The following USP35 variants were observed in gnomAD, a reference collection of about 807,000 sequenced individuals.
USP35 encodes the protein ubiquitin specific peptidase 35.
USP35 carries 69 observed loss-of-function variants against 83.8 expected under a neutral mutation model. The observed-to-expected ratio is 0.82, with a 90% CI of 0.68 to 1.01. The LOEUF is 1.01. Ranked by LOEUF, USP35 falls within the 50% of genes least tolerant of loss-of-function variation. The probability of loss-of-function intolerance (pLI) is 0.00; values close to 1 mark genes in which losing one functional copy is unlikely to be tolerated. For synonymous variants in USP35, 714 were observed against 589.5 expected, an observed-to-expected ratio of 1.21 and a Z score of -3.06; for missense variants, 1,503 against 1,362.5, an observed-to-expected ratio of 1.10 and a Z score of -1.62.
chr11:78,190,889 A>G (rs564944725), intron 1 of USP35, among the ~76,000 whole-genome samples: 5 of 152,296 alleles, frequency 3.3e-5, no homozygotes, highest in Non-Finnish European at 7.4e-5. Flanking sequence ...CCACTGAACA[A>G]TGTTGCTTGA....
rs1332268024 is a variant in USP35 at position 78,213,859 on chromosome 11, A to G, written c.*46A>G. The G allele has an allele frequency of 2.6e-6, 4 of 1,524,912 alleles. No homozygotes were observed. 94.5% of individuals were successfully genotyped at this position (1,524,912 alleles called of 1,614,324 possible). A position where few individuals can be genotyped will look rare whatever the true frequency, so the allele number is the denominator to read the frequency against. On this transcript the variant is annotated 3_prime_UTR_variant, in exon 11 of 11. Transcript: ENST00000529308. ...GACCCCTTCCCTCCAGGAGCCAGGT[A>G]GGGCCTGAGGGAAGCTGTGGAGGCA... is the stretch of plus-strand genomic sequence containing the variant.
intron 10 of USP35, among the ~76,000 whole-genome samples, chr11:78,213,379 C>G (rs75571061): frequency 2.0e-5 from 3 of 152,286 alleles, no homozygotes; most frequent in Non-Finnish European, 4.4e-5. Flanking sequence ...TCAGACCTCT[C>G]GGTACCACAT....
intron 10 of USP35, among the ~76,000 whole-genome samples, chr11:78,211,952 C>G (rs1863796911): frequency 6.6e-6 from 1 of 152,092 alleles, no homozygotes; most frequent in Non-Finnish European, 1.5e-5. Flanking sequence ...TAAGTGGATC[C>G]CATTTGTCAT....
chr11:78,189,426 T>C (rs1175669899), intron 1 of USP35, among the ~76,000 whole-genome samples: 1 of 152,202 alleles, frequency 6.6e-6, no homozygotes, highest in Non-Finnish European at 1.5e-5. Flanking sequence ...GTACATTCGC[T>C]TGCTGGCTTT....
At chr11:78,205,134 T>A (rs1403697149) in intron 6 of USP35, among the ~76,000 whole-genome samples, 1 of 152,236 alleles carries the variant, frequency 6.6e-6, no homozygotes, top group South Asian at 2.1e-4. Flanking sequence ...TAGGTGCTGC[T>A]GTTTGATGTG....
In USP35 at chr11:78,196,870, G is replaced by A. The variant is rs755923450; in HGVS notation, c.625G>A (p.Ala209Thr). 2.0e-6 allele frequency: 3 copies of A among 1,484,070 alleles called. No individual in the cohort carries two copies. Among genetic ancestry groups the A allele is most frequent in the African/African-American group, 2.9e-5 (2 of 69,844 alleles). 91.9% of individuals were successfully genotyped at this position (1,484,070 alleles called of 1,614,324 possible). Residue 209 changes from alanine to threonine, a missense_variant, in exon 2 of 11, where the codon GCC (alanine) becomes ACC (threonine). By Grantham distance (58) the Ala-to-Thr change is moderately conservative. Coordinates refer to ENST00000529308, the MANE Select transcript of USP35 (RefSeq NM_020798.4). This position sits in a 1 kb window ranked among gnomAD's most constrained non-coding sequence, Gnocchi z 4.8. ...LAQLWRAQPA[A>T]ILPCLKELFA... Reference sequence around the variant, plus strand: ...GCAGCTGTGGCGCGCACAGCCCGCCGCCATCCTGCCCTGCCTCAAAGAGCT... The same window carrying A: ...GCAGCTGTGGCGCGCACAGCCCGCCACCATCCTGCCCTGCCTCAAAGAGCT...
Position 78,197,201 on chromosome 11 carries a change from G to A in USP35, c.673+283G>A, listed in dbSNP as rs953923100. ...TCAGCCTGGCCGGAGGGAGGAACGG[G>A]AAGTTGAGCAAGCCACAGGATTTGG... On this transcript the variant is annotated intron_variant, in intron 2 of 10. Coordinates refer to ENST00000529308, the MANE Select transcript of USP35 (RefSeq NM_020798.4). 1.6e-4 allele frequency among the ~76,000 whole-genome samples: 21 copies of A among 134,912 alleles called. No individual in the cohort carries two copies. In the East Asian group the frequency reaches 5.6e-3, roughly 36 times the overall value. 88.5% of individuals were successfully genotyped at this position (134,912 alleles called of 152,430 possible).
downstream of USP35, chr11:78,215,893 A>T (rs1006004022): frequency 6.5e-6 from 1 of 152,710 alleles, no homozygotes; most frequent in African/African-American, 2.4e-5. Flanking sequence ...AGATGTCCCC[A>T]TGGGAGAAGG....
the USP35 span, among the ~76,000 whole-genome samples, chr11:78,233,871 A>G: frequency 6.6e-6 from 1 of 152,210 alleles, no homozygotes; most frequent in Non-Finnish European, 1.5e-5. Context: ...GCTGCCTCCC[A>G]AAGTGCTGAG....
chr11:78,227,009 C>A, the USP35 span: 5 of 1,613,390 alleles, frequency 3.1e-6, no homozygotes, highest in Admixed American at 1.7e-5. Context: ...TGTCACTCCT[C>A]ATGAGAAAAG....
intron 1 of USP35, among the ~76,000 whole-genome samples, chr11:78,195,156 G>C (rs989926556): frequency 2.0e-5 from 3 of 152,246 alleles, no homozygotes; most frequent in Non-Finnish European, 4.4e-5. Flanking sequence ...AGGGGACTGG[G>C]ACCCATACCC....
intron 6 of USP35, among the ~76,000 whole-genome samples, chr11:78,202,174 G>C (rs1302555627): frequency 2.0e-5 from 3 of 152,228 alleles, no homozygotes; most frequent in Non-Finnish European, 4.4e-5. Context: ...CAGTCACAAA[G>C]GGACTTGAGT....
At chr11:78,211,315 G>A (rs149445651) in intron 10 of USP35, among the ~76,000 whole-genome samples, 145 of 152,224 alleles carry the variant, frequency 9.5e-4, no homozygotes, top group Non-Finnish European at 1.5e-3. Flanking sequence ...AGTATTCTGT[G>A]GTGTATATGT....
the USP35 span, among the ~76,000 whole-genome samples, chr11:78,236,433 G>C: frequency 2.6e-5 from 4 of 152,098 alleles, no homozygotes; most frequent in South Asian, 6.2e-4. Flanking sequence ...TTACAGGCAT[G>C]AACCACCACA....
Position 78,209,716 on chromosome 11 carries a change from A to T in USP35, c.1861A>T (p.Ile621Phe), listed in dbSNP as rs1404025569. ...CTCTGTGATGCGCCCCACAGAAGAC[A>T]TCACAGCCCGGGAGTTGCCCCCACC... is the stretch of plus-strand genomic sequence containing the variant. Reference protein sequence around the residue: ...LGSVMRPTEDITARELPPPTS... With the variant: ...LGSVMRPTEDFTARELPPPTS... The change falls in exon 10 of 11, where the codon ATC becomes TTC. Residue 621 changes from isoleucine to phenylalanine, a missense_variant. Ile to Phe is a conservative substitution (Grantham distance 21, BLOSUM62 0). Coordinates refer to ENST00000529308, the MANE Select transcript of USP35 (RefSeq NM_020798.4). The T allele has an allele frequency of 6.2e-7, 1 of 1,613,940 alleles. No homozygotes were observed. The highest frequency in any genetic ancestry group is 1.3e-5 in the African/African-American group (1 of 74,908).
Position 78,209,682 on chromosome 11 carries a change from C to T in USP35, c.1827C>T (p.Arg609=), listed in dbSNP as rs1863665269. The T allele has an allele frequency of 6.2e-7, 1 of 1,613,950 alleles. No homozygotes were observed. The highest frequency in any genetic ancestry group is 2.2e-5 in the East Asian group (1 of 44,860). The change falls in exon 10 of 11, where the codon CGC becomes CGT. Residue 609 remains arginine, a synonymous_variant. Transcript: ENST00000529308. ...AFPPPERCRR[R]RLGSVMRPTE... Reference sequence around the variant, plus strand: ...CTCCTCCTGAGCGCTGTCGCCGCCGCCGCCTGGGCTCTGTGATGCGCCCCA... The same window carrying T: ...CTCCTCCTGAGCGCTGTCGCCGCCGTCGCCTGGGCTCTGTGATGCGCCCCA...
At chr11:78,228,999 C>A in the USP35 span, among the ~76,000 whole-genome samples, 3 of 152,048 alleles carry the variant, frequency 2.0e-5, no homozygotes, top group East Asian at 5.8e-4. Context: ...CTGGGCCAGG[C>A]AAAAGGGATA....
chr11:78,193,734 A>G (rs776901120), intron 1 of USP35, among the ~76,000 whole-genome samples: 10 of 136,400 alleles, frequency 7.3e-5, no homozygotes, highest in Admixed American at 2.5e-4. Context: ...AGCCACATTC[A>G]AAGAGTCAAA....
chr11:78,189,055 G>T lies in USP35; in HGVS notation c.-113G>T, dbSNP rs573659739. 4.7e-5 allele frequency: 35 copies of T among 749,024 alleles called. No homozygotes were observed. The highest frequency in any genetic ancestry group is 5.7e-5 in the Non-Finnish European group (35 of 614,204). The allele number at this position is 749,024 out of a possible 1,614,324, so 46.4% of individuals were successfully genotyped here. ...CCTGGCTGAGGGCGTCCCCACCCTG[G>T]GGGGAGCAGAGGACCAGCCCTGACC... On this transcript the variant is annotated 5_prime_UTR_variant, in exon 1 of 11. Coordinates refer to ENST00000529308, the MANE Select transcript of USP35 (RefSeq NM_020798.4).
Sources: allele counts gnomAD v4.1 joint callset (sites outside exome capture counted in the v4.1 genomes callset), GRCh38; gene constraint gnomAD v4.1.1; non-coding constraint Gnocchi (gnomAD v3.1); transcripts MANE v1.5; gene names NCBI Gene and HGNC (gene_info 2026-07-23, HGNC 2026-07-21).